Variants in MYO9A observed in about 807,000 individuals in gnomAD.
MYO9A encodes myosin IXA, also known as unconventional myosin-IXa.
Under a neutral mutation model 293.3 loss-of-function variants are expected in MYO9A, and 103 were observed. The observed-to-expected ratio is 0.35, with a 90% CI of 0.30 to 0.41. The LOEUF (loss-of-function observed/expected upper bound fraction) is 0.41. MYO9A is among the 10% of genes least tolerant of loss of function. The probability of loss-of-function intolerance (pLI) is 1.00; values close to 1 mark genes in which losing one functional copy is unlikely to be tolerated. For missense variants in MYO9A, 2,685 were observed against 3,033.0 expected (o/e 0.89, Z 2.69); for synonymous variants, 1,001 against 1,035.7 (o/e 0.97, Z 0.64).
chr15:72,003,135 G>A (rs1008301069), intron 8 of MYO9A, among the ~76,000 whole-genome samples: 2 of 151,886 alleles, frequency 1.3e-5, no homozygotes, highest in Non-Finnish European at 2.9e-5. Flanking sequence ...CGGGTGTGGT[G>A]GTGTATGCCT....
chr15:72,014,571 A>G (rs774759398), intron 6 of MYO9A, among the ~76,000 whole-genome samples: 13 of 152,240 alleles, frequency 8.5e-5, no homozygotes, highest in African/African-American at 2.6e-4. Context: ...CTGTAATCCC[A>G]GCTACTCAGG....
intron 3 of MYO9A, among the ~76,000 whole-genome samples, chr15:72,031,061 G>A (rs2077852059): frequency 6.6e-6 from 1 of 152,168 alleles, no homozygotes; most frequent in Admixed American, 6.5e-5. Context: ...ACACATGAGA[G>A]TGATCTAGGC....
At chr15:71,927,823 T>C (rs918791870) in intron 18 of MYO9A, among the ~76,000 whole-genome samples, 2 of 151,006 alleles carry the variant, frequency 1.3e-5, no homozygotes, top group Non-Finnish European at 3.0e-5. Flanking sequence ...CCCAATTTCA[T>C]TCTTCTACAT....
intron 26 of MYO9A, chr15:71,891,449 C>T (rs777440635): frequency 2.0e-5 from 3 of 152,176 alleles, no homozygotes; most frequent in Non-Finnish European, 2.9e-5. Flanking sequence ...AGTTTTTCTG[C>T]AAACAATAAA....
At chr15:72,052,594 C>T (rs1435492791) in intron 1 of MYO9A, among the ~76,000 whole-genome samples, 6 of 152,182 alleles carry the variant, frequency 3.9e-5, no homozygotes, top group Admixed American at 6.5e-5. Flanking sequence ...GACCTGGGGG[C>T]TCCCCAAGCC....
At chr15:72,051,090 G>T (rs1351019044) in intron 1 of MYO9A, among the ~76,000 whole-genome samples, 7 of 152,068 alleles carry the variant, frequency 4.6e-5, no homozygotes, top group Admixed American at 4.6e-4. Flanking sequence ...ATAGAGCCAG[G>T]GTCTGTCTCT....
Position 71,898,489 on chromosome 15 carries a change from T to C in MYO9A, c.4014A>G (p.Glu1338=). 6.2e-7 allele frequency: 1 copy of C among 1,614,052 alleles called. No homozygotes were observed. Among genetic ancestry groups the C allele is most frequent in the Non-Finnish European group, 8.5e-7 (1 of 1,180,012 alleles). Residue 1338 remains glutamate, a synonymous_variant, in exon 25 of 42, where the codon GAA becomes GAG. Coordinates refer to ENST00000356056, the MANE Select transcript of MYO9A (RefSeq NM_006901.4). The part of the protein sequence containing the change: ...QGSLELLSYE[E]SQKSKLESVI... ...CAGACTCTAGTTTGCTCTTTTGGCT[T>C]TCCTCATAGCTCAGAAGTTCCAAGC...
intron 1 of MYO9A, among the ~76,000 whole-genome samples, chr15:72,069,481 T>C (rs2150137888): frequency 6.6e-6 from 1 of 152,204 alleles, no homozygotes; most frequent in South Asian, 2.1e-4. Context: ...GTTGAATAAA[T>C]ATGTGAAAAA....
At position 71,875,844 on chromosome 15, in the gene MYO9A, A is replaced by G. The variant is rs368091624; in HGVS notation, c.5932-6T>C. The stretch of plus-strand genomic sequence containing the variant: ...TTTCTTTCTGTTTTTGGCACCTGAC[A>G]GGGGGACAGGAGATATATGGAAATT... On this transcript the variant is annotated splice_polypyrimidine_tract_variant and splice_region_variant and intron_variant, in intron 31 of 41. Transcript: ENST00000356056. 13 of 1,367,894 alleles carry G rather than the reference A, an allele frequency of 9.5e-6. No individual in the cohort carries two copies. Among genetic ancestry groups the G allele is most frequent in the Non-Finnish European group, 1.2e-5 (13 of 1,052,260 alleles). The allele number at this position is 1,367,894 out of a possible 1,614,324, so 84.7% of individuals were successfully genotyped here.
chr15:71,925,061 C>T (rs1191447010), intron 18 of MYO9A, among the ~76,000 whole-genome samples: 1 of 151,914 alleles, frequency 6.6e-6, no homozygotes, highest in African/African-American at 2.4e-5. Flanking sequence ...TCTGGTTGTC[C>T]TATCCATTGC....
chr15:72,088,089 A>C (rs1199030076), intron 1 of MYO9A, among the ~76,000 whole-genome samples: 1 of 152,214 alleles, frequency 6.6e-6, no homozygotes, highest in African/African-American at 2.4e-5. Flanking sequence ...AAGCCAAAAA[A>C]AGAGGCTCCA....
intron 4 of MYO9A, among the ~76,000 whole-genome samples, chr15:72,023,983 A>C (rs552304903): frequency 2.6e-4 from 40 of 152,296 alleles, no homozygotes; most frequent in African/African-American, 9.6e-4. Flanking sequence ...TAAGATTAAC[A>C]GCTGATTTCT....
intron 18 of MYO9A, among the ~76,000 whole-genome samples, chr15:71,927,159 A>G (rs1485880466): frequency 2.0e-5 from 3 of 152,178 alleles, no homozygotes; most frequent in Non-Finnish European, 4.4e-5. Flanking sequence ...AGGCCCTAAG[A>G]CATTTCTTTG....
chr15:71,839,718 C>CT (rs1296533925), intron 39 of MYO9A, among the ~76,000 whole-genome samples: 45 of 151,416 alleles, frequency 3.0e-4, no homozygotes, highest in East Asian at 9.7e-4. Context: ...CCTGAATCGG[C>CT]TTTTTTTTTG....
intron 24 of MYO9A, 38 bp from the exon 25 acceptor site, chr15:71,899,070 T>C (rs1399828266): frequency 1.4e-6 from 2 of 1,467,684 alleles, no homozygotes; most frequent in Non-Finnish European, 9.1e-7. Context: ...TAGAAATATC[T>C]TAGTTACCAC....
intron 1 of MYO9A, among the ~76,000 whole-genome samples, chr15:72,115,295 T>C (rs2080931148): frequency 6.6e-6 from 1 of 152,222 alleles, no homozygotes; most frequent in Non-Finnish European, 1.5e-5. Context: ...CAGAACCTGA[T>C]ACTGAGCTTC....
In MYO9A at chr15:71,941,391, C is replaced by T. The variant is rs142213182; in HGVS notation, c.2303-2464G>A. Among the ~76,000 whole-genome samples the T allele has an allele frequency of 2.9e-3, 439 of 152,202 alleles. 3 individuals carry two copies. The highest frequency in any genetic ancestry group is 0.01 in the African/African-American group (434 of 41,518). On this transcript the variant is annotated intron_variant, in intron 15 of 41. Coordinates refer to ENST00000356056, the MANE Select transcript of MYO9A (RefSeq NM_006901.4). ...CAGAGGTTGCAGTGAGCCAAGATCG[C>T]GCCATTGCACTCCAGCCTGGATGAC...
intron 1 of MYO9A, among the ~76,000 whole-genome samples, chr15:72,074,627 A>G (rs1256554590): frequency 6.6e-6 from 1 of 152,246 alleles, no homozygotes; most frequent in Non-Finnish European, 1.5e-5. Flanking sequence ...TGGAGCTTTA[A>G]TAGAGTATAC....
chr15:72,005,187 C>A (rs1268500854), intron 8 of MYO9A, among the ~76,000 whole-genome samples: 1 of 152,174 alleles, frequency 6.6e-6, no homozygotes, highest in Non-Finnish European at 1.5e-5. Context: ...CCAAACTATA[C>A]ACAAGAAGAA....
Sources: gnomAD v4.1 joint callset for allele counts (sites outside exome capture counted in the v4.1 genomes callset) on GRCh38, gnomAD v4.1.1 for gene constraint, MANE v1.5 for transcripts, NCBI Gene and HGNC (gene_info 2026-07-23, HGNC 2026-07-21) for gene names.